Variants in MVK observed in about 807,000 individuals in gnomAD.
The protein encoded by MVK is LH receptor mRNA-binding protein.
MVK carries 34 observed loss-of-function variants against 43.2 expected under a neutral mutation model. That is an observed-to-expected ratio of 0.79 (90% CI 0.60 to 1.05). The LOEUF (loss-of-function observed/expected upper bound fraction) is 1.05, where lower values mean the gene tolerates loss of function less well. MVK is among the 50% of genes least tolerant of loss of function. MVK has a pLI of 0.00. For missense variants in MVK, 395 were observed against 504.0 expected, an observed-to-expected ratio of 0.78 and a Z score of 2.07; for synonymous variants, 190 against 219.8, an observed-to-expected ratio of 0.86 and a Z score of 1.20.
chr12:109,594,900 C>A, intron 9 of MVK, 128 bp from the exon 10 acceptor site: 1 of 1,121,398 alleles, frequency 8.9e-7, no homozygotes, highest in Non-Finnish European at 1.3e-6. Flanking sequence ...GGCCAGGGTG[C>A]CAGGTAGGCA....
intron 5 of MVK, among the ~76,000 whole-genome samples, chr12:109,583,999 G>T (rs929191927): frequency 2.6e-5 from 4 of 152,240 alleles, no homozygotes; most frequent in Middle Eastern, 3.2e-3. Context: ...GTAGCTAAGA[G>T]CTTGGGCTCC....
intron 5 of MVK, 119 bp downstream of exon 5, chr12:109,581,669 A>C: frequency 6.9e-7 from 1 of 1,439,338 alleles, no homozygotes; most frequent in South Asian, 1.2e-5. Context: ...TGGCCATTTT[A>C]ACATGAGGAA....
rs1885992963 is a variant in MVK, at chr12:109,598,085, C to G, written c.*1508C>G. ...TTCCCTGCCCCTTCCCTTCAAAACA[C>G]AACGCATAAAGCAGTAATACTAATT... On this transcript the variant is annotated 3_prime_UTR_variant, in exon 11 of 11. Coordinates refer to ENST00000228510, the MANE Select transcript of MVK (RefSeq NM_000431.4). 6.6e-6 allele frequency: 1 copy of G among 152,290 alleles called. No homozygotes were observed. Among genetic ancestry groups the G allele is most frequent in the Admixed American group, 6.5e-5 (1 of 15,288 alleles). The allele number at this position is 152,290 out of a possible 1,614,324, so 9.4% of individuals were successfully genotyped here.
At chr12:109,586,879 G>A (rs898268083) in intron 7 of MVK, 80 bp downstream of exon 7, 183 of 1,553,138 alleles carry the variant, frequency 1.2e-4, no homozygotes, top group Non-Finnish European at 1.6e-4. Context: ...CCTTTGGGAA[G>A]TACCATAGGA....
At chr12:109,586,709 T>G in intron 6 of MVK, 45 bp from the exon 7 acceptor site, 4 of 1,607,518 alleles carry the variant, frequency 2.5e-6, no homozygotes, top group Middle Eastern at 1.7e-4. Flanking sequence ...AGCACAGATA[T>G]GTTAGCTTTT....
intron 5 of MVK, among the ~76,000 whole-genome samples, chr12:109,582,791 C>T (rs993165162): frequency 6.6e-6 from 1 of 152,196 alleles, no homozygotes; most frequent in Admixed American, 6.5e-5. Flanking sequence ...GAGTTACCTT[C>T]CCCCGCCTCC....
intron 8 of MVK, 82 bp from the exon 9 acceptor site, chr12:109,591,158 TC>T: frequency 3.8e-6 from 5 of 1,315,436 alleles, no homozygotes; most frequent in Non-Finnish European, 5.5e-6. Context: ...GAACACCTCC[TC>T]CCTCCACCCC....
intron 2 of MVK, among the ~76,000 whole-genome samples, chr12:109,575,682 C>CT (rs1884916718): frequency 1.3e-5 from 2 of 152,228 alleles, no homozygotes; most frequent in Non-Finnish European, 2.9e-5. Context: ...GCCACCACAC[C>CT]TGGCTTCTCA....
chr12:109,585,966 C>T, intron 5 of MVK, 56 bp from the exon 6 acceptor site: 1 of 1,470,820 alleles, frequency 6.8e-7, no homozygotes, highest in Non-Finnish European at 9.5e-7. Flanking sequence ...CCCAGGTGAC[C>T]CCTCCCCAGC....
intron 5 of MVK, among the ~76,000 whole-genome samples, chr12:109,582,094 G>A (rs1205817374): frequency 1.3e-5 from 2 of 152,188 alleles, no homozygotes; most frequent in South Asian, 2.1e-4. Flanking sequence ...ACCTCTCTGC[G>A]TTCCTATTGA....
rs375922033 is a variant in MVK at position 109,581,275 on chromosome 12, C to T, written c.372-120C>T. 67 of 1,293,530 alleles carry T rather than the reference C, an allele frequency of 5.2e-5. No individual in the cohort carries two copies. The Middle Eastern group carries it at 7.8e-4, about 15-fold the overall frequency. The allele number at this position is 1,293,530 out of a possible 1,614,324, so 80.1% of individuals were successfully genotyped here. On this transcript the variant is annotated intron_variant, in intron 4 of 10. Coordinates refer to ENST00000228510, the MANE Select transcript of MVK (RefSeq NM_000431.4). Reference sequence around the variant, plus strand: ...GGATACATTTGGGGTCAGGAATTCTCCCCCAGTTGAGAAAACTGGACCAGA... The same window carrying T: ...GGATACATTTGGGGTCAGGAATTCTTCCCCAGTTGAGAAAACTGGACCAGA...
At chr12:109,583,654 C>G (rs532049196) in intron 5 of MVK, among the ~76,000 whole-genome samples, 241 of 152,236 alleles carry the variant, frequency 1.6e-3, no homozygotes, top group African/African-American at 5.5e-3. Flanking sequence ...TCTAGTTCTA[C>G]ATCCCTGAGG....
rs72648034 is a variant in MVK at position 109,592,224 on chromosome 12, C to A, written c.885+867C>A. 1.1e-3 allele frequency among the ~76,000 whole-genome samples: 169 copies of A among 152,276 alleles called. 2 individuals are homozygous for A. Among genetic ancestry groups the A allele is most frequent in the African/African-American group, 3.5e-3 (144 of 41,556 alleles). On this transcript the variant is annotated intron_variant, in intron 9 of 10. Transcript: ENST00000228510. ...AATGAGACCTTGTCTCACACACACACAAAAAATGCTTGGAGTCTCATGGGT... is the reference window on the plus strand; with the variant it reads ...AATGAGACCTTGTCTCACACACACAAAAAAAATGCTTGGAGTCTCATGGGT...
In MVK at chr12:109,585,922, A is replaced by G. The variant is rs561919722; in HGVS notation, c.528-100A>G. ...TTGTTCTTTCTGAGCTCAAGGGCCC[A>G]AGCTCCTATGCCCCTTGGCCTGCCC... On this transcript the variant is annotated intron_variant, in intron 5 of 10. Transcript: ENST00000228510. 6.6e-4 allele frequency: 609 copies of G among 917,518 alleles called. 1 individual carries two copies. In the African/African-American group the frequency reaches 9.2e-3, roughly 14 times the overall value. 56.8% of individuals were successfully genotyped at this position (917,518 alleles called of 1,614,324 possible). A position where few individuals can be genotyped will look rare whatever the true frequency, so the allele number is the denominator to read the frequency against.
chr12:109,573,495 G>C (rs1253813791), upstream of MVK: 2 of 1,591,464 alleles, frequency 1.3e-6, no homozygotes, highest in African/African-American at 2.7e-5. Flanking sequence ...CAGGCTGCTT[G>C]ACGGGACCTG....
At chr12:109,588,434 G>C (rs112677004) in intron 7 of MVK, 1 of 152,332 alleles carries the variant, frequency 6.6e-6, no homozygotes, top group Non-Finnish European at 1.5e-5. Flanking sequence ...CCGAGTGTAC[G>C]GTCTACTGGG....
At chr12:109,575,684 G>A (rs1461674640) in intron 2 of MVK, among the ~76,000 whole-genome samples, 2 of 152,122 alleles carry the variant, frequency 1.3e-5, no homozygotes, top group Admixed American at 6.5e-5. Context: ...CACCACACCT[G>A]GCTTCTCACT....
intron 7 of MVK, 193 bp downstream of exon 7, chr12:109,586,992 T>C (rs1647133211): frequency 1.6e-6 from 1 of 632,248 alleles, no homozygotes. Context: ...CTTCTCCCCT[T>C]CAGCTCTTAA....
chr12:109,581,497 G>A lies in MVK; in HGVS notation c.474G>A (p.Leu158=). ...AYSVCLAAAL[L]TVCEEIPNPL... ...CGGTGTGTCTGGCAGCAGCCCTCCT[G>A]ACTGTGTGCGAGGAGATCCCAAACC... The change falls in exon 5 of 11, where the codon CTG becomes CTA. Residue 158 remains leucine, a synonymous_variant. Coordinates refer to ENST00000228510, the MANE Select transcript of MVK (RefSeq NM_000431.4). 6.2e-7 allele frequency: 1 copy of A among 1,614,210 alleles called. No individual in the cohort carries two copies. The highest frequency in any genetic ancestry group is 8.5e-7 in the Non-Finnish European group (1 of 1,180,024).
Sources: gnomAD v4.1 joint callset for allele counts (sites outside exome capture counted in the v4.1 genomes callset) on GRCh38, gnomAD v4.1.1 for gene constraint, MANE v1.5 for transcripts, NCBI Gene and HGNC (gene_info 2026-07-23, HGNC 2026-07-21) for gene names.